The following CLCN2 variants were observed in gnomAD, a reference collection of about 807,000 sequenced individuals.
CLCN2 encodes chloride voltage-gated channel 2.
Under a neutral mutation model 108.3 loss-of-function variants are expected in CLCN2, and 72 were observed. The ratio of observed to expected loss-of-function variants is 0.66; its 90% CI spans 0.55 to 0.81. CLCN2 has a LOEUF of 0.81. CLCN2 is among the 30% of genes least tolerant of loss of function. The pLI is 0.00. For missense variants in CLCN2, 1,048 were observed against 1,205.2 expected, an observed-to-expected ratio of 0.87 and a Z score of 1.93; for synonymous variants, 471 against 467.1, an observed-to-expected ratio of 1.01 and a Z score of -0.11.
At position 184,358,799 on chromosome 3, in the gene CLCN2, A is replaced by G; in HGVS notation, c.235T>C (p.Cys79Arg). The G allele has an allele frequency of 6.2e-7, 1 of 1,613,814 alleles. No homozygotes were observed. Among genetic ancestry groups the G allele is most frequent in the Non-Finnish European group, 8.5e-7 (1 of 1,179,858 alleles). The change falls in exon 3 of 24, where the codon TGC becomes CGC. Residue 79 changes from cysteine to arginine, a missense_variant. By Grantham distance (180) the Cys-to-Arg change is radical. Transcript: ENST00000265593. ...ACCCTGGATACTAGGAACTTGTGGC[A>G]GCGGACAGAACAGACTGGGTGCAGG... ...CARCRVCSVR[C>R]HKFLVSRVGE...
chr3:184,348,341 CCAGA>C, intron 22 of CLCN2: 1 of 152,076 alleles, frequency 6.6e-6, no homozygotes, highest in East Asian at 1.9e-4. Context: ...CCACAAAAAG[CCAGA>C]CATAGTGGTG....
chr3:184,352,239 G>T, intron 21 of CLCN2, 54 bp downstream of exon 21: 1 of 1,611,532 alleles, frequency 6.2e-7, no homozygotes, highest in South Asian at 1.1e-5. Context: ...CAGCCAACAT[G>T]ATGATTGAAC....
At chr3:184,360,554 C>T (rs1193468743) in intron 1 of CLCN2, among the ~76,000 whole-genome samples, 1 of 152,166 alleles carries the variant, frequency 6.6e-6, no homozygotes, top group Admixed American at 6.5e-5. Flanking sequence ...TATAGCCTCT[C>T]CTCTCCAAGA....
chr3:184,347,912 G>C (rs926541193), intron 22 of CLCN2: 1 of 152,174 alleles, frequency 6.6e-6, no homozygotes, highest in Admixed American at 6.5e-5. Context: ...AGATTTTCTT[G>C]GGGCCAGATG....
At chr3:184,352,215 T>C (rs1487936109) in intron 21 of CLCN2, 78 bp downstream of exon 21, 3 of 1,599,780 alleles carry the variant, frequency 1.9e-6, no homozygotes, top group Non-Finnish European at 2.6e-6. Flanking sequence ...CCGTGGTCCC[T>C]CCCATGGGGA....
chr3:184,356,633 C>T, intron 10 of CLCN2: 1 of 236,056 alleles, frequency 4.2e-6, no homozygotes, highest in Middle Eastern at 1.8e-3. Context: ...GAGTGAAACT[C>T]CGTCTCAAAA....
Position 184,352,787 on chromosome 3 carries a change from C to T in CLCN2, c.2167G>A (p.Ala723Thr), listed in dbSNP as rs751748290. ...CTGCCACAGAAGAGGCTCCGGAGGG[C>T]GATGCCTGCCGACTCTGCGCTCCCT... ...PTGSAESAGI[A>T]LRSLFCGSPP... Residue 723 changes from alanine to threonine, a missense_variant, in exon 19 of 24, where the codon GCC (alanine) becomes ACC (threonine). Ala to Thr is a moderately conservative substitution (Grantham distance 58). Transcript: ENST00000265593. 13 of 1,613,038 alleles carry T rather than the reference C, an allele frequency of 8.1e-6. No homozygotes were observed. Among genetic ancestry groups the T allele is most frequent in the African/African-American group, 5.3e-5 (4 of 74,944 alleles).
chr3:184,354,526 C>T (rs972503277), intron 14 of CLCN2, 22 bp downstream of exon 14: 17 of 1,597,352 alleles, frequency 1.1e-5, no homozygotes, highest in Middle Eastern at 3.3e-4. Context: ...CTCCCAAGGC[C>T]GATGGGACCT....
chr3:184,354,585 G>A lies in CLCN2; in HGVS notation c.1470C>T (p.Ser490=), dbSNP rs1040449015. ...AGCCCCCAGGCACAATCCGGTAGGT[G>A]CTGCTGTCCGTATGAATTCCATCTG... ...WFPDGIHTDS[S]TYRIVPGGYA... is the part of the protein sequence containing the mutation. The change falls in exon 14 of 24, where the codon AGC becomes AGT. Residue 490 remains serine, a synonymous_variant. Coordinates refer to ENST00000265593, the MANE Select transcript of CLCN2 (RefSeq NM_004366.6). 2 of 1,613,226 alleles carry A rather than the reference G, an allele frequency of 1.2e-6. No homozygotes were observed. The highest frequency in any genetic ancestry group is 8.5e-7 in the Non-Finnish European group (1 of 1,179,950).
Position 184,358,662 on chromosome 3 carries a change from C to T in CLCN2, c.352+20G>A. The T allele has an allele frequency of 6.4e-7, 1 of 1,562,226 alleles. No individual in the cohort carries two copies. The highest frequency in any genetic ancestry group is 8.7e-7 in the Non-Finnish European group (1 of 1,152,482). On this transcript the variant is annotated intron_variant, in intron 3 of 23. Transcript: ENST00000265593. Reference sequence around the variant, plus strand: ...AGGAGGTTTATTCCCAGTCCTCCCCCTGCCAGCTGTCACCCTCACCTTGCA... The same window carrying T: ...AGGAGGTTTATTCCCAGTCCTCCCCTTGCCAGCTGTCACCCTCACCTTGCA...
Position 184,361,492 on chromosome 3 carries a change from C to G in CLCN2, c.-13G>C, listed in dbSNP as rs537783950. On this transcript the variant is annotated 5_prime_UTR_variant, in exon 1 of 24. Coordinates refer to ENST00000265593, the MANE Select transcript of CLCN2 (RefSeq NM_004366.6). This position sits in a 1 kb window ranked among gnomAD's most constrained non-coding sequence, Gnocchi z 6.6. ...CCGCGGCCGCCATCTCCGCGCACTG[C>G]CCTCTCGCCTCCCTCGGCGGTTCCG... The G allele has an allele frequency of 3.1e-6, 5 of 1,610,446 alleles. No individual in the cohort carries two copies. The highest frequency in any genetic ancestry group is 4.2e-6 in the Non-Finnish European group (5 of 1,179,822).
At position 184,354,262 on chromosome 3, in the gene CLCN2, G is replaced by C. The variant is rs761002102; in HGVS notation, c.1560C>G (p.Ile520Met). Residue 520 changes from isoleucine (I) to methionine (M), a missense_variant, in exon 15 of 24, where the codon ATC becomes ATG. Physicochemically the swap from Ile to Met is conservative, Grantham distance 10. Coordinates refer to ENST00000265593, the MANE Select transcript of CLCN2 (RefSeq NM_004366.6). ...AVTHTVSTAV[I>M]VFELTGQIAH... ...CAATCTGGCCTGTGAGCTCGAACAC[G>C]ATCACAGCCGTGGACACTGTGTGTG... The C allele has an allele frequency of 6.2e-7, 1 of 1,613,060 alleles. No individual in the cohort carries two copies. The highest frequency in any genetic ancestry group is 8.5e-7 in the Non-Finnish European group (1 of 1,179,960).
At chr3:184,357,879 A>T in intron 5 of CLCN2, 23 bp from the exon 6 acceptor site, 1 of 1,613,590 alleles carries the variant, frequency 6.2e-7, no homozygotes, top group South Asian at 1.1e-5. Flanking sequence ...GCAGGCGGTG[A>T]GTCGGGAGGG....
At chr3:184,353,822 T>G in intron 15 of CLCN2, 27 bp from the exon 16 acceptor site, 1 of 1,599,276 alleles carries the variant, frequency 6.3e-7, no homozygotes, top group Non-Finnish European at 8.5e-7. Context: ...GCGCTTGGTT[T>G]GTGGTCAGCA....
In CLCN2 at chr3:184,354,887, G is replaced by A; in HGVS notation, c.1396+17C>T. The A allele has an allele frequency of 1.9e-6, 3 of 1,611,274 alleles. No individual in the cohort carries two copies. Among genetic ancestry groups the A allele is most frequent in the Non-Finnish European group, 2.5e-6 (3 of 1,177,678 alleles). Reference sequence around the variant, plus strand: ...GAGGAAGGTGCAGGCTGGGTGAGCAGGCAGCTGAGAACTCACCAATGACAA... The same window carrying A: ...GAGGAAGGTGCAGGCTGGGTGAGCAAGCAGCTGAGAACTCACCAATGACAA... On this transcript the variant is annotated intron_variant, in intron 13 of 23. Coordinates refer to ENST00000265593, the MANE Select transcript of CLCN2 (RefSeq NM_004366.6).
Position 184,353,694 on chromosome 3 carries a change from T to G in CLCN2, c.1823A>C (p.Lys608Thr). Residue 608 changes from lysine (K) to threonine (T), a missense_variant, in exon 16 of 24, where the codon AAG (lysine) becomes ACG (threonine). Physicochemically the swap from Lys to Thr is moderately conservative, Grantham distance 78 (BLOSUM62 -1). Coordinates refer to ENST00000265593, the MANE Select transcript of CLCN2 (RefSeq NM_004366.6). ...CTCCACTAGGGCCAGCATTCGGCCC[T>G]TGGTCCTGTGCAGTGCCAAACGCAG... Reference protein sequence around the residue: ...RDLRLALHRTKGRMLALVESP... With the variant: ...RDLRLALHRTTGRMLALVESP... 5 of 1,611,922 alleles carry G rather than the reference T, an allele frequency of 3.1e-6. No individual in the cohort carries two copies. The highest frequency in any genetic ancestry group is 4.2e-6 in the Non-Finnish European group (5 of 1,179,520).
At chr3:184,356,684 TG>T (rs1274489033) in intron 10 of CLCN2, 1 of 397,936 alleles carries the variant, frequency 2.5e-6, no homozygotes, top group African/African-American at 2.1e-5. Flanking sequence ...CCATGGGTCA[TG>T]GGGGGAACCT....
intron 22 of CLCN2, chr3:184,347,741 A>G (rs1727791856): frequency 6.4e-6 from 1 of 155,372 alleles, no homozygotes; most frequent in African/African-American, 2.4e-5. Flanking sequence ...CTAGGGTCCA[A>G]GCAGCATCCC....
In CLCN2 at chr3:184,346,333, C is replaced by T. The variant is rs1727664447; in HGVS notation, c.*273G>A. ...AACCCATCTTAGTTCCACCCCTTTC[C>T]CCTCAAAGGGGGAGCAGGGGTCAAG... is the stretch of plus-strand genomic sequence containing the variant. On this transcript the variant is annotated 3_prime_UTR_variant, in exon 24 of 24. Coordinates refer to ENST00000265593, the MANE Select transcript of CLCN2 (RefSeq NM_004366.6). This position sits in a 1 kb window ranked among gnomAD's most constrained non-coding sequence, Gnocchi z 6.0. 1.8e-6 allele frequency: 1 copy of T among 542,702 alleles called. No individual in the cohort carries two copies. The highest frequency in any genetic ancestry group is 1.9e-5 in the African/African-American group (1 of 52,850). 33.6% of individuals were successfully genotyped at this position (542,702 alleles called of 1,614,324 possible).
Sources: gnomAD v4.1 joint callset for allele counts (sites outside exome capture counted in the v4.1 genomes callset) on GRCh38, gnomAD v4.1.1 for gene constraint, Gnocchi (gnomAD v3.1) non-coding constraint, MANE v1.5 for transcripts, NCBI Gene and HGNC (gene_info 2026-07-23, HGNC 2026-07-21) for gene names.